The following CNTN5 variants were observed in gnomAD, a reference collection of about 807,000 sequenced individuals.
The protein encoded by CNTN5 is contactin-5.
CNTN5 carries 77 observed loss-of-function variants against 129.1 expected under a neutral mutation model. That is an observed-to-expected ratio of 0.60 (90% CI 0.50 to 0.72). The LOEUF (loss-of-function observed/expected upper bound fraction) is 0.72. CNTN5 is among the 30% of genes least tolerant of loss of function. The probability of loss-of-function intolerance (pLI) is 0.00; values close to 1 mark genes in which losing one functional copy is unlikely to be tolerated. For synonymous variants in CNTN5, 509 were observed against 465.6 expected, an observed-to-expected ratio of 1.09 and a Z score of -1.20; for missense variants, 1,478 against 1,328.8, an observed-to-expected ratio of 1.11 and a Z score of -1.75.
rs564191569 is a variant in CNTN5 at position 99,486,373 on chromosome 11, T to C, written c.-70-69772T>C. ...TTTGAAAAGCTCATACTGTGTATTGTTTATTCCCTAAATCTTTGTATCCAA... is the reference window on the plus strand; with the variant it reads ...TTTGAAAAGCTCATACTGTGTATTGCTTATTCCCTAAATCTTTGTATCCAA... On this transcript the variant is annotated intron_variant, in intron 2 of 24. Transcript: ENST00000524871. Among the ~76,000 whole-genome samples the C allele has an allele frequency of 5.8e-4, 88 of 152,280 alleles. 1 individual carries two copies. The highest frequency in any genetic ancestry group is 3.4e-4 in the Non-Finnish European group (23 of 67,970).
At chr11:99,946,609 T>A (rs1409062279) in intron 7 of CNTN5, among the ~76,000 whole-genome samples, 1 of 152,026 alleles carries the variant, frequency 6.6e-6, no homozygotes, top group East Asian at 1.9e-4. Context: ...AGGGGAAAAA[T>A]AACTTAGGGA....
intron 9 of CNTN5, among the ~76,000 whole-genome samples, chr11:100,034,097 C>T (rs1648977433): frequency 6.6e-6 from 1 of 152,204 alleles, no homozygotes; most frequent in Non-Finnish European, 1.5e-5. Context: ...TCTACTGGCT[C>T]TTTCTCATTT....
intron 17 of CNTN5, among the ~76,000 whole-genome samples, chr11:100,256,331 T>C (rs1175628682): frequency 3.3e-5 from 5 of 152,204 alleles, no homozygotes; most frequent in Admixed American, 6.5e-5. Flanking sequence ...TCACTAGTTT[T>C]GATATGCAAT....
At chr11:100,014,690 C>T (rs1455208313) in intron 9 of CNTN5, among the ~76,000 whole-genome samples, 1 of 152,166 alleles carries the variant, frequency 6.6e-6, no homozygotes, top group Non-Finnish European at 1.5e-5. Context: ...GCTCCATTCA[C>T]TTTATCTGTT....
intron 2 of CNTN5, among the ~76,000 whole-genome samples, chr11:99,460,833 T>A (rs1179483998): frequency 6.6e-6 from 1 of 152,016 alleles, no homozygotes; most frequent in Admixed American, 6.6e-5. Context: ...ATTTCTTACA[T>A]AGTAAAATAC....
intron 3 of CNTN5, among the ~76,000 whole-genome samples, chr11:99,791,273 T>A (rs540791718): frequency 1.6e-4 from 24 of 152,136 alleles, no homozygotes; most frequent in Non-Finnish European, 2.2e-4. Flanking sequence ...TTTAATAATT[T>A]TAGGTTTTGC....
chr11:99,685,217 TGCTTTAAG>T lies in CNTN5; in HGVS notation c.55+128954_55+128961del, dbSNP rs1953737550. ...TGATTACTTTCTATGTTTTTTCTATTGCTTTAAGGCTTTGATTTACTCTGTTTAGAGAG... is the reference window on the plus strand; with the variant it reads ...TGATTACTTTCTATGTTTTTTCTATTGCTTTGATTTACTCTGTTTAGAGAG... On this transcript the variant is annotated intron_variant, in intron 3 of 24. Transcript: ENST00000524871. Among the ~76,000 whole-genome samples, 8 of 151,638 alleles carry T rather than the reference TGCTTTAAG, an allele frequency of 5.3e-5. No homozygotes were observed. In the South Asian group the frequency reaches 1.7e-3, roughly 32 times the overall value.
chr11:99,258,805 G>A (rs1862497945), intron 1 of CNTN5, among the ~76,000 whole-genome samples: 1 of 151,772 alleles, frequency 6.6e-6, no homozygotes, highest in Non-Finnish European at 1.5e-5. Context: ...TTAGTCAGTA[G>A]GTAAAAAGTT....
At chr11:100,325,712 A>T (rs937990314) in intron 21 of CNTN5, among the ~76,000 whole-genome samples, 1 of 152,192 alleles carries the variant, frequency 6.6e-6, no homozygotes, top group African/African-American at 2.4e-5. Flanking sequence ...ATAATCTGGC[A>T]TCTCCCTGCA....
intron 3 of CNTN5, among the ~76,000 whole-genome samples, chr11:99,569,080 G>T (rs1248400419): frequency 6.6e-6 from 1 of 151,958 alleles, no homozygotes; most frequent in Non-Finnish European, 1.5e-5. Flanking sequence ...CATCTGAATG[G>T]TCCAGATCAT....
At chr11:99,908,423 T>C (rs1783282271) in intron 6 of CNTN5, among the ~76,000 whole-genome samples, 1 of 152,072 alleles carries the variant, frequency 6.6e-6, no homozygotes, top group Non-Finnish European at 1.5e-5. Context: ...ACTCTCTGTG[T>C]ATGTTGTATT....
At chr11:99,585,562 C>A (rs574489495) in intron 3 of CNTN5, among the ~76,000 whole-genome samples, 16 of 152,038 alleles carry the variant, frequency 1.1e-4, no homozygotes, top group Non-Finnish European at 2.2e-4. Flanking sequence ...TCATTTAATA[C>A]ATAATTTTAT....
intron 13 of CNTN5, among the ~76,000 whole-genome samples, chr11:100,120,238 A>C (rs1461595144): frequency 1.3e-5 from 2 of 151,976 alleles, no homozygotes; most frequent in Non-Finnish European, 2.9e-5. Context: ...TTTTTGTAAC[A>C]AGCATGTGAT....
intron 3 of CNTN5, among the ~76,000 whole-genome samples, chr11:99,786,667 A>C (rs892013846): frequency 3.3e-5 from 5 of 152,204 alleles, no homozygotes; most frequent in Non-Finnish European, 7.3e-5. Context: ...ATATAGACCA[A>C]TGGAACAGAA....
At chr11:99,422,529 TATATA>T (rs1565569289) in intron 2 of CNTN5, among the ~76,000 whole-genome samples, 3,516 of 48,184 alleles carry the variant, frequency 0.073, 163 homozygotes, top group African/African-American at 0.19. Flanking sequence ...TATATATATA[TATATA>T]TATATATATA....
chr11:99,738,941 G>A (rs992103184), intron 3 of CNTN5, among the ~76,000 whole-genome samples: 49 of 152,298 alleles, frequency 3.2e-4, no homozygotes, highest in African/African-American at 1.1e-3. Context: ...TAAATTGTAT[G>A]TGTATGTGTA....
At chr11:100,025,330 A>G (rs923798134) in intron 9 of CNTN5, among the ~76,000 whole-genome samples, 1 of 152,224 alleles carries the variant, frequency 6.6e-6, no homozygotes, top group African/African-American at 2.4e-5. Flanking sequence ...CCTAGATTTC[A>G]GAGGATTTAT....
chr11:99,938,989 C>G (rs1950375133), intron 7 of CNTN5, among the ~76,000 whole-genome samples: 1 of 152,036 alleles, frequency 6.6e-6, no homozygotes, highest in African/African-American at 2.4e-5. Context: ...ATTTATTACT[C>G]TTTGTAAACA....
intron 1 of CNTN5, among the ~76,000 whole-genome samples, chr11:99,241,600 A>AT (rs1861563696): frequency 1.3e-5 from 2 of 152,088 alleles, no homozygotes; most frequent in East Asian, 1.9e-4. Flanking sequence ...AGATTGATAG[A>AT]TTTTTTTAAA....
Sources: gnomAD v4.1 joint callset for allele counts (sites outside exome capture counted in the v4.1 genomes callset) on GRCh38, gnomAD v4.1.1 for gene constraint, MANE v1.5 for transcripts, NCBI Gene and HGNC (gene_info 2026-07-23, HGNC 2026-07-21) for gene names.